The following SLC25A31 variants were observed in gnomAD, a reference collection of about 807,000 sequenced individuals.
SLC25A31 encodes the protein solute carrier family 25 member 31, also known as ADP/ATP translocase 4.
In SLC25A31, 40 loss-of-function variants were observed where a neutral mutation model predicts 36.2. That is an observed-to-expected ratio of 1.10 (90% CI 0.86 to 1.44). The LOEUF (loss-of-function observed/expected upper bound fraction) is 1.44. Among genes scored for constraint, SLC25A31 ranks in the 40% most tolerant of loss-of-function variants. SLC25A31 has a pLI of 0.00. For synonymous variants in SLC25A31, 143 were observed against 149.7 expected, an observed-to-expected ratio of 0.96 and a Z score of 0.32; for missense variants, 350 against 397.1, an observed-to-expected ratio of 0.88 and a Z score of 1.01.
At chr4:127,750,130 C>A (rs1731902162) in intron 2 of SLC25A31, among the ~76,000 whole-genome samples, 1 of 152,058 alleles carries the variant, frequency 6.6e-6, no homozygotes, top group South Asian at 2.1e-4. Context: ...CATTTCAAGG[C>A]AAAAGCTAAA....
At chr4:127,765,612 A>G (rs1401683413) in intron 3 of SLC25A31, among the ~76,000 whole-genome samples, 1 of 152,078 alleles carries the variant, frequency 6.6e-6, no homozygotes. Flanking sequence ...TTCACACCCC[A>G]CCCCCCATGT....
chr4:127,744,147 G>C (rs1429040272), intron 1 of SLC25A31, among the ~76,000 whole-genome samples: 8 of 152,178 alleles, frequency 5.3e-5, no homozygotes, highest in African/African-American at 1.9e-4. Flanking sequence ...AAACTGCCTG[G>C]AATTGAAATG....
chr4:127,735,086 G>A (rs1022772432), intron 1 of SLC25A31, among the ~76,000 whole-genome samples: 1 of 151,960 alleles, frequency 6.6e-6, no homozygotes, highest in African/African-American at 2.4e-5. Context: ...CCAAATCAAG[G>A]GTAACACCAA....
At chr4:127,743,043 TA>T (rs1383573165) in intron 1 of SLC25A31, among the ~76,000 whole-genome samples, 5 of 152,092 alleles carry the variant, frequency 3.3e-5, no homozygotes, top group African/African-American at 1.2e-4. Flanking sequence ...AATCCAAGCC[TA>T]GAGTAGAGTT....
At chr4:127,744,230 T>C (rs1731781796) in intron 1 of SLC25A31, among the ~76,000 whole-genome samples, 1 of 152,190 alleles carries the variant, frequency 6.6e-6, no homozygotes, top group Non-Finnish European at 1.5e-5. Context: ...GCACTTTAGA[T>C]TCTTTTATCC....
chr4:127,742,205 A>G (rs748045685), intron 1 of SLC25A31, among the ~76,000 whole-genome samples: 11 of 152,146 alleles, frequency 7.2e-5, no homozygotes, highest in Non-Finnish European at 1.5e-4. Flanking sequence ...ACTGATGTTT[A>G]TTGTTTCTCA....
chr4:127,762,050 G>A (rs565209988), intron 2 of SLC25A31, among the ~76,000 whole-genome samples: 8 of 152,126 alleles, frequency 5.3e-5, no homozygotes, highest in Non-Finnish European at 8.8e-5. Context: ...GGGAGTCTGG[G>A]AACAGTAAGT....
intron 2 of SLC25A31, among the ~76,000 whole-genome samples, chr4:127,756,458 TG>T (rs751418865): frequency 3.7e-4 from 56 of 152,280 alleles, no homozygotes; most frequent in Non-Finnish European, 7.2e-4. Context: ...AATGGGTAGA[TG>T]TTGCTCAAAG....
At chr4:127,770,998 C>T (rs948389326) in intron 5 of SLC25A31, among the ~76,000 whole-genome samples, 4 of 145,614 alleles carry the variant, frequency 2.7e-5, no homozygotes, top group Non-Finnish European at 6.0e-5. Flanking sequence ...ACTGTGTCGC[C>T]GAGGCTGGAG....
In SLC25A31 at chr4:127,744,717, A is replaced by G. The variant is rs753666991; in HGVS notation, c.278A>G (p.Tyr93Cys). Residue 93 changes from tyrosine (Y) to cysteine (C), a missense_variant, in exon 2 of 6, where the codon TAT becomes TGT. Transcript: ENST00000281154. ...GGCAATTTGGCAAATGTTATTCGGT[A>G]TTTTCCAACACAAGCTCTAAACTTT... ...WRGNLANVIR[Y>C]FPTQALNFAF... is the part of the protein sequence containing the mutation. 48 of 1,605,002 alleles carry G rather than the reference A, an allele frequency of 3.0e-5. No individual in the cohort carries two copies. Among genetic ancestry groups the G allele is most frequent in the East Asian group, 6.7e-5 (3 of 44,690 alleles).
Position 127,747,309 on chromosome 4 carries a change from G to A in SLC25A31, c.360+2510G>A, listed in dbSNP as rs558770129. On this transcript the variant is annotated intron_variant, in intron 2 of 5. Transcript: ENST00000281154. ...TTCTAGTTCTCTGAAGAATGTCATT[G>A]GTAGTTTGATAGGAATAGCATTGAA... Among the ~76,000 whole-genome samples, 17 of 152,234 alleles carry A rather than the reference G, an allele frequency of 1.1e-4. No homozygotes were observed. The South Asian group carries it at 2.9e-3, about 26-fold the overall frequency.
intron 1 of SLC25A31, among the ~76,000 whole-genome samples, chr4:127,736,224 C>G (rs1731631017): frequency 6.6e-6 from 1 of 152,152 alleles, no homozygotes; most frequent in Admixed American, 6.5e-5. Context: ...GGCCCAGTAA[C>G]TTTTTCCTGT....
At chr4:127,735,377 G>T (rs1731604458) in intron 1 of SLC25A31, among the ~76,000 whole-genome samples, 1 of 152,072 alleles carries the variant, frequency 6.6e-6, no homozygotes, top group Non-Finnish European at 1.5e-5. Flanking sequence ...GTTTAACTTT[G>T]CTCTAATATC....
chr4:127,769,063 G>A (rs145684397), intron 5 of SLC25A31, among the ~76,000 whole-genome samples, 186 bp downstream of exon 5: 4 of 152,216 alleles, frequency 2.6e-5, no homozygotes, highest in African/African-American at 9.6e-5. Context: ...AGCCAGCAAA[G>A]CTGCTTCCTC....
At chr4:127,742,879 AC>A (rs1223338421) in intron 1 of SLC25A31, among the ~76,000 whole-genome samples, 33 of 151,864 alleles carry the variant, frequency 2.2e-4, no homozygotes, top group African/African-American at 7.0e-4. Context: ...TTCTTCTTTG[AC>A]CCATTGGTTG....
At chr4:127,744,299 C>T (rs561679615) in intron 1 of SLC25A31, among the ~76,000 whole-genome samples, 2 of 152,180 alleles carry the variant, frequency 1.3e-5, no homozygotes, top group Non-Finnish European at 2.9e-5. Context: ...CTATCATACT[C>T]ATTTGTAACA....
At chr4:127,761,031 G>A (rs1732119262) in intron 2 of SLC25A31, among the ~76,000 whole-genome samples, 1 of 151,942 alleles carries the variant, frequency 6.6e-6, no homozygotes, top group African/African-American at 2.4e-5. Context: ...ACCTTTTCTG[G>A]GTCTGTTTTA....
chr4:127,750,446 T>C (rs1731908322), intron 2 of SLC25A31, among the ~76,000 whole-genome samples: 1 of 152,180 alleles, frequency 6.6e-6, no homozygotes, highest in African/African-American at 2.4e-5. Context: ...CATGGTAAAG[T>C]CAAAAATTGT....
chr4:127,768,920 A>G (rs1560641648), intron 5 of SLC25A31, 43 bp downstream of exon 5: 7 of 1,518,720 alleles, frequency 4.6e-6, no homozygotes, highest in South Asian at 4.0e-5. Flanking sequence ...AGTTTTTAAT[A>G]TCTCTGATAT....
Sources: gnomAD v4.1 joint callset for allele counts (sites outside exome capture counted in the v4.1 genomes callset) on GRCh38, gnomAD v4.1.1 for gene constraint, MANE v1.5 for transcripts, NCBI Gene and HGNC (gene_info 2026-07-23, HGNC 2026-07-21) for gene names.